Variants in ERC1 observed in about 807,000 individuals in gnomAD.
The protein encoded by ERC1 is RAB6 interacting protein 2.
ERC1 carries 56 observed loss-of-function variants against 132.0 expected under a neutral mutation model. The observed-to-expected ratio is 0.42, with a 90% CI of 0.34 to 0.53. The LOEUF is 0.53. Ranked by LOEUF, ERC1 falls within the 20% of genes least tolerant of loss-of-function variation. The pLI is 0.03. For missense variants in ERC1, 1,202 were observed against 1,349.9 expected, an observed-to-expected ratio of 0.89 and a Z score of 1.72; for synonymous variants, 478 against 476.1, an observed-to-expected ratio of 1.00 and a Z score of -0.05.
At chr12:1,232,504 T>C (rs1217519542) in intron 12 of ERC1, among the ~76,000 whole-genome samples, 1 of 152,216 alleles carries the variant, frequency 6.6e-6, no homozygotes, top group Non-Finnish European at 1.5e-5. Context: ...CACTTTTCTC[T>C]TTAGTTTCTC....
At chr12:1,448,031 C>G (rs1027140525) in intron 18 of ERC1, among the ~76,000 whole-genome samples, 4 of 151,886 alleles carry the variant, frequency 2.6e-5, no homozygotes, top group African/African-American at 9.7e-5. Context: ...TCAGTCTTAC[C>G]AAGGGGAAAA....
rs1007079629 is a variant in ERC1, at chr12:1,363,246, G to A, written c.2781-8587G>A. ...CAGATGTCGAGTTTTTTGCCCATCT[G>A]AGAAGCAGGTAGAGGCTTTATAGCA... On this transcript the variant is annotated intron_variant, in intron 15 of 18. Transcript: ENST00000360905. Among the ~76,000 whole-genome samples the A allele has an allele frequency of 1.7e-4, 26 of 152,160 alleles. 1 individual carries two copies.
chr12:1,408,945 A>G (rs2091678052), intron 17 of ERC1, among the ~76,000 whole-genome samples: 1 of 152,222 alleles, frequency 6.6e-6, no homozygotes, highest in African/African-American at 2.4e-5. Context: ...ATCAAATTTT[A>G]ACATCTCTAT....
At chr12:1,139,586 A>G (rs533740917) in intron 7 of ERC1, among the ~76,000 whole-genome samples, 2 of 152,210 alleles carry the variant, frequency 1.3e-5, no homozygotes, top group Non-Finnish European at 2.9e-5. Context: ...CTTGGATTAT[A>G]TTCTTCGACG....
intron 11 of ERC1, among the ~76,000 whole-genome samples, chr12:1,185,819 T>C (rs545082403): frequency 1.4e-4 from 22 of 152,112 alleles, no homozygotes; most frequent in African/African-American, 4.8e-4. Context: ...CTTTGGAAAC[T>C]GTTTGCATTT....
intron 18 of ERC1, 109 bp downstream of exon 18, chr12:1,444,859 A>C (rs1364556860): frequency 3.2e-6 from 3 of 923,834 alleles, no homozygotes; most frequent in Non-Finnish European, 4.9e-6. Flanking sequence ...TAGTTGATGC[A>C]GTGGGGGCTA....
intron 16 of ERC1, among the ~76,000 whole-genome samples, chr12:1,397,060 A>T (rs986648152): frequency 2.6e-5 from 4 of 152,200 alleles, no homozygotes; most frequent in African/African-American, 9.7e-5. Context: ...CTACCTGAAG[A>T]TCACAAAGAA....
At chr12:1,127,013 A>AAAAC (rs1948260141) in intron 7 of ERC1, among the ~76,000 whole-genome samples, 3 of 146,798 alleles carry the variant, frequency 2.0e-5, no homozygotes, top group Admixed American at 6.8e-5. Flanking sequence ...AAAAAAAAAA[A>AAAAC]CCTCAAAAAT....
intron 12 of ERC1, chr12:1,203,978 A>G (rs1283663320): frequency 6.6e-6 from 1 of 152,406 alleles, no homozygotes; most frequent in Admixed American, 6.5e-5. Context: ...ATTTGAGAAA[A>G]TTATTTCAAG....
intron 6 of ERC1, 128 bp from the exon 7 acceptor site, chr12:1,115,738 A>G (rs1262759600): frequency 2.6e-6 from 2 of 775,568 alleles, no homozygotes; most frequent in African/African-American, 3.5e-5. Context: ...CAAAAAGATG[A>G]ATATGACCTA....
chr12:1,483,668 C>CTTTTTTTTTTTTTTTTT lies in ERC1; in HGVS notation c.3214-6403_3214-6387dup, dbSNP rs35596394. 9.1e-5 allele frequency among the ~76,000 whole-genome samples: 5 copies of CTTTTTTTTTTTTTTTTT among 55,220 alleles called. 1 individual carries two copies. The highest frequency in any genetic ancestry group is 7.1e-5 in the Non-Finnish European group (2 of 28,118). The allele number at this position is 55,220 out of a possible 152,430, so 36.2% of individuals were successfully genotyped here. ...CAAAACTCCTTCCAGCCACTGAGAGCTTTTTTTTTTTTTTTTTTTTTTTTT... is the reference window on the plus strand; with the variant it reads ...CAAAACTCCTTCCAGCCACTGAGAGCTTTTTTTTTTTTTTTTTTTTTTTTTTTTTTTTTTTTTTTTTT... On this transcript the variant is annotated intron_variant, in intron 18 of 18. Coordinates refer to ENST00000360905, the MANE Select transcript of ERC1 (RefSeq NM_178040.4).
At chr12:992,200 C>T (rs1385061273) in intron 1 of ERC1, among the ~76,000 whole-genome samples, 1 of 152,120 alleles carries the variant, frequency 6.6e-6, no homozygotes. Flanking sequence ...TCTCTTTATA[C>T]CACCCTTTTA....
In ERC1 at chr12:1,091,700, C is replaced by T. The variant is rs546255252; in HGVS notation, c.1086+8120C>T. 3.9e-5 allele frequency among the ~76,000 whole-genome samples: 6 copies of T among 152,274 alleles called. No individual in the cohort carries two copies. In the South Asian group the frequency reaches 1.2e-3, roughly 32 times the overall value. ...TTCAAAATGGGAGAGAAAACCATTC[C>T]ACCGTTGAATCAAGGGAGTGACACA... is the stretch of plus-strand genomic sequence containing the variant. On this transcript the variant is annotated intron_variant, in intron 3 of 18. Coordinates refer to ENST00000360905, the MANE Select transcript of ERC1 (RefSeq NM_178040.4).
chr12:1,043,017 CTT>C (rs778380690), intron 2 of ERC1, among the ~76,000 whole-genome samples: 1 of 148,276 alleles, frequency 6.7e-6, no homozygotes, highest in Non-Finnish European at 1.5e-5. Context: ...AGAGTATCTT[CTT>C]TTTCTTTCTT....
At chr12:1,214,661 TACATACACACACAC>T (rs201355117) in intron 12 of ERC1, among the ~76,000 whole-genome samples, 8,953 of 118,062 alleles carry the variant, frequency 0.076, 363 homozygotes, top group Middle Eastern at 0.13. Context: ...CGTGTGTGTA[TACATACACACACAC>T]ACACACACAC....
intron 15 of ERC1, among the ~76,000 whole-genome samples, chr12:1,360,534 T>C (rs2085989542): frequency 6.6e-6 from 1 of 152,222 alleles, no homozygotes; most frequent in Non-Finnish European, 1.5e-5. Flanking sequence ...CCTATCACTC[T>C]GATTCATTGT....
At chr12:1,404,455 G>A (rs2091316298) in intron 16 of ERC1, among the ~76,000 whole-genome samples, 1 of 150,870 alleles carries the variant, frequency 6.6e-6, no homozygotes, top group Non-Finnish European at 1.5e-5. Context: ...TGAAAAAATC[G>A]ATAGTTGGTC....
chr12:1,476,975 G>A (rs1477971653), intron 18 of ERC1, among the ~76,000 whole-genome samples: 1 of 152,118 alleles, frequency 6.6e-6, no homozygotes, highest in African/African-American at 2.4e-5. Context: ...ATTATTGGGT[G>A]AAAAGAACAA....
intron 2 of ERC1, among the ~76,000 whole-genome samples, chr12:1,076,915 T>TAAATACAAAGATTAAA (rs1941444381): frequency 1.3e-5 from 2 of 152,214 alleles, no homozygotes; most frequent in African/African-American, 4.8e-5. Context: ...CAGATCAGTC[T>TAAATACAAAGATTAAA]TAGAAGTGCT....
Sources: gnomAD v4.1 joint callset for allele counts (sites outside exome capture counted in the v4.1 genomes callset) on GRCh38, gnomAD v4.1.1 for gene constraint, MANE v1.5 for transcripts, NCBI Gene and HGNC (gene_info 2026-07-23, HGNC 2026-07-21) for gene names.